EDIL3: variants seen among roughly 807,000 people sequenced by gnomAD.
EDIL3 encodes the protein EGF like and discoidin domains 3.
A neutral mutation model predicts 67.4 loss-of-function variants in EDIL3; 37 were observed. The observed-to-expected ratio is 0.55, with a 90% CI of 0.42 to 0.72. The LOEUF is 0.72. Ranked by LOEUF, EDIL3 falls within the 30% of genes least tolerant of loss-of-function variation. The pLI, the probability that EDIL3 is intolerant of heterozygous loss-of-function variation, is 0.00. For synonymous variants in EDIL3, 195 were observed against 196.3 expected (o/e 0.99, Z 0.05); for missense variants, 527 against 586.3 (o/e 0.90, Z 1.04).
chr5:84,085,759 C>A (rs1747058073), intron 6 of EDIL3, among the ~76,000 whole-genome samples: 1 of 152,174 alleles, frequency 6.6e-6, no homozygotes, highest in Non-Finnish European at 1.5e-5. Flanking sequence ...AGCCAGCAGG[C>A]AGGAAAGATT....
At chr5:84,380,053 T>C (rs1270228907) in intron 1 of EDIL3, among the ~76,000 whole-genome samples, 1 of 152,004 alleles carries the variant, frequency 6.6e-6, no homozygotes, top group Non-Finnish European at 1.5e-5. Flanking sequence ...TTTAAGTATT[T>C]ATAGTACTTA....
intron 6 of EDIL3, among the ~76,000 whole-genome samples, chr5:84,096,003 T>C (rs1256816290): frequency 6.6e-6 from 1 of 152,198 alleles, no homozygotes; most frequent in Non-Finnish European, 1.5e-5. Flanking sequence ...ATACGGATTT[T>C]TTTATGAAGT....
chr5:84,113,003 T>C (rs1017261993), intron 5 of EDIL3, among the ~76,000 whole-genome samples: 2 of 152,180 alleles, frequency 1.3e-5, no homozygotes, highest in Non-Finnish European at 2.9e-5. Flanking sequence ...AGAAATTTTT[T>C]TTATGATGAG....
chr5:84,127,292 T>A (rs1365991324), intron 5 of EDIL3, among the ~76,000 whole-genome samples: 1 of 152,116 alleles, frequency 6.6e-6, no homozygotes, highest in South Asian at 2.1e-4. Flanking sequence ...TATAGAACCA[T>A]ATTCCTCAAG....
At chr5:84,125,140 T>C (rs1026902828) in intron 5 of EDIL3, among the ~76,000 whole-genome samples, 2 of 152,034 alleles carry the variant, frequency 1.3e-5, no homozygotes, top group African/African-American at 2.4e-5. Context: ...ACCCGAGTAG[T>C]ATGTAAACCT....
At chr5:84,305,743 G>A (rs1746253467) in intron 1 of EDIL3, among the ~76,000 whole-genome samples, 1 of 152,134 alleles carries the variant, frequency 6.6e-6, no homozygotes, top group Non-Finnish European at 1.5e-5. Flanking sequence ...GCCAGGCGTG[G>A]TGGCACGTGC....
intron 2 of EDIL3, among the ~76,000 whole-genome samples, chr5:84,242,413 C>T (rs1243198985): frequency 6.6e-6 from 1 of 152,164 alleles, no homozygotes; most frequent in Non-Finnish European, 1.5e-5. Context: ...CCCCATGATG[C>T]TGTCCTTGAA....
chr5:84,326,382 G>C (rs927546595), intron 1 of EDIL3, among the ~76,000 whole-genome samples: 1 of 152,036 alleles, frequency 6.6e-6, no homozygotes, highest in South Asian at 2.1e-4. Flanking sequence ...AGGAGCTGAC[G>C]GGAGAAGGGA....
At chr5:84,010,353 A>T (rs555190726) in intron 9 of EDIL3, among the ~76,000 whole-genome samples, 31 of 152,270 alleles carry the variant, frequency 2.0e-4, no homozygotes, top group South Asian at 6.2e-4. Flanking sequence ...CATTCTTTTT[A>T]AAAAATCTGA....
rs1259222688 is a variant in EDIL3 at position 83,965,683 on chromosome 5, T to C, written c.1138-2323A>G. 2.0e-5 allele frequency among the ~76,000 whole-genome samples: 3 copies of C among 152,170 alleles called. No individual in the cohort carries two copies. The East Asian group carries it at 5.8e-4, about 30-fold the overall frequency. ...AGCTGGGTTTCCTGCTGGGTGGAGATGTTTTCTCCCCAAGTTGTGTGTCTT... is the reference window on the plus strand; with the variant it reads ...AGCTGGGTTTCCTGCTGGGTGGAGACGTTTTCTCCCCAAGTTGTGTGTCTT... On this transcript the variant is annotated intron_variant, in intron 9 of 10. Coordinates refer to ENST00000296591, the MANE Select transcript of EDIL3 (RefSeq NM_005711.5).
chr5:84,176,545 C>A (rs1748919342), intron 4 of EDIL3, among the ~76,000 whole-genome samples: 1 of 151,064 alleles, frequency 6.6e-6, no homozygotes, highest in East Asian at 1.9e-4. Flanking sequence ...GGAAGGAGTT[C>A]TGGGAGTGAA....
Position 84,064,730 on chromosome 5 carries a change from G to A in EDIL3, c.922C>T (p.Arg308Ter), listed in dbSNP as rs1316684797. Residue 308 changes from arginine (R) to a stop codon, truncating the protein, a stop_gained, in exon 8 of 11, where the codon CGA (arginine) becomes TGA (stop). Transcript: ENST00000296591. LOFTEE classifies it high-confidence loss of function. ...PQVCRRHCTL[R>*]MELLGCELSG... ...AGTTCACAGCCAAGAAGTTCCATTC[G>A]CAAAGTGCAATGTCTTCGACAAACT... 2.5e-6 allele frequency: 4 copies of A among 1,612,562 alleles called. No homozygotes were observed. The highest frequency in any genetic ancestry group is 2.2e-5 in the East Asian group (1 of 44,838).
At chr5:84,188,079 C>A (rs1192518820) in intron 3 of EDIL3, among the ~76,000 whole-genome samples, 1 of 151,642 alleles carries the variant, frequency 6.6e-6, no homozygotes, top group South Asian at 2.1e-4. Flanking sequence ...AGAGATTTCC[C>A]GCCCCCCCTT....
intron 4 of EDIL3, among the ~76,000 whole-genome samples, chr5:84,176,747 G>A (rs1247327460): frequency 2.1e-5 from 2 of 96,726 alleles, no homozygotes; most frequent in Non-Finnish European, 4.4e-5. Flanking sequence ...GTGTGTATGT[G>A]TGTATATATG....
chr5:84,187,340 T>C (rs988194883), intron 3 of EDIL3, among the ~76,000 whole-genome samples: 3 of 152,070 alleles, frequency 2.0e-5, no homozygotes, highest in Non-Finnish European at 4.4e-5. Context: ...ATATGTGTAA[T>C]ATGATTAGCT....
chr5:84,094,930 C>A (rs903770727), intron 6 of EDIL3, among the ~76,000 whole-genome samples: 1 of 152,194 alleles, frequency 6.6e-6, no homozygotes, highest in Middle Eastern at 3.4e-3. Flanking sequence ...GAGTTGCTGC[C>A]AAGGCTGTCT....
At chr5:84,383,086 G>GC in intron 1 of EDIL3, among the ~76,000 whole-genome samples, 1 of 152,314 alleles carries the variant, frequency 6.6e-6, no homozygotes, top group Middle Eastern at 3.4e-3. Flanking sequence ...TGGAGTCAAC[G>GC]CATTTTTAAA....
At chr5:84,176,089 C>T (rs1428875013) in intron 4 of EDIL3, among the ~76,000 whole-genome samples, 2 of 149,296 alleles carry the variant, frequency 1.3e-5, no homozygotes, top group East Asian at 2.0e-4. Context: ...CACTAATATA[C>T]AATTAAGACC....
rs372689720 is a variant in EDIL3 at position 84,363,052 on chromosome 5, T to C, written c.67+21256A>G. 4.6e-5 allele frequency among the ~76,000 whole-genome samples: 7 copies of C among 152,268 alleles called. No homozygotes were observed. The East Asian group carries it at 9.6e-4, about 21-fold the overall frequency. ...TACTAACTGAAGAGGTAATTTAATGTATTTATTCTACTTTAAGTATATACC... is the reference window on the plus strand; with the variant it reads ...TACTAACTGAAGAGGTAATTTAATGCATTTATTCTACTTTAAGTATATACC... On this transcript the variant is annotated intron_variant, in intron 1 of 10. Transcript: ENST00000296591.
Sources: allele counts gnomAD v4.1 joint callset (sites outside exome capture counted in the v4.1 genomes callset), GRCh38; gene constraint gnomAD v4.1.1; transcripts MANE v1.5; gene names NCBI Gene and HGNC (gene_info 2026-07-23, HGNC 2026-07-21).